STK33: variants seen among roughly 807,000 people sequenced by gnomAD.
The protein encoded by STK33 is serine/threonine-protein kinase 33.
Under a neutral mutation model 58.0 loss-of-function variants are expected in STK33, and 52 were observed. The ratio of observed to expected loss-of-function variants is 0.90; its 90% CI spans 0.72 to 1.13. The LOEUF (loss-of-function observed/expected upper bound fraction) is 1.13, where lower values mean the gene tolerates loss of function less well. Ranked by LOEUF, STK33 falls within the 50% of genes most tolerant of loss-of-function variation. The pLI is 0.00. For synonymous variants in STK33, 215 were observed against 200.1 expected (o/e 1.07, Z -0.63); for missense variants, 630 against 604.2 (o/e 1.04, Z -0.45).
intron 14 of STK33, among the ~76,000 whole-genome samples, chr11:8,414,406 G>T (rs1429946792): frequency 1.3e-5 from 2 of 151,990 alleles, no homozygotes; most frequent in African/African-American, 2.4e-5. Flanking sequence ...AAATATTTTT[G>T]TTCTTACCTC....
chr11:8,590,871 T>C (rs1437696346), intron 1 of STK33, among the ~76,000 whole-genome samples: 1 of 152,200 alleles, frequency 6.6e-6, no homozygotes, highest in African/African-American at 2.4e-5. Context: ...GGCATACCAA[T>C]TTAACAATGC....
At chr11:8,534,970 C>T (rs1176107047) in intron 1 of STK33, among the ~76,000 whole-genome samples, 1 of 152,108 alleles carries the variant, frequency 6.6e-6, no homozygotes, top group African/African-American at 2.4e-5. Context: ...GGGATGATAA[C>T]GTCCTCTAAG....
At chr11:8,533,580 G>A (rs1029816440) in intron 1 of STK33, 1 of 152,054 alleles carries the variant, frequency 6.6e-6, no homozygotes, top group Non-Finnish European at 1.5e-5. Flanking sequence ...AACAAAGCCT[G>A]GCACACAGAA....
intron 9 of STK33, among the ~76,000 whole-genome samples, chr11:8,455,798 G>C (rs1369362926): frequency 1.9e-5 from 2 of 107,982 alleles, no homozygotes; most frequent in Non-Finnish European, 3.4e-5. Context: ...GTAACAGAGA[G>C]AGACTCTGTC....
At chr11:8,442,741 T>A (rs1409306844) in intron 11 of STK33, among the ~76,000 whole-genome samples, 6 of 152,134 alleles carry the variant, frequency 3.9e-5, no homozygotes, top group Non-Finnish European at 7.3e-5. Context: ...ACTTTATGCA[T>A]CTAGCAGACA....
intron 1 of STK33, among the ~76,000 whole-genome samples, chr11:8,503,387 G>A (rs1054007368): frequency 6.6e-6 from 1 of 152,136 alleles, no homozygotes; most frequent in African/African-American, 2.4e-5. Context: ...AACACGGCAT[G>A]TTCTCACTTA....
chr11:8,394,645 A>G (rs1445815021), intron 15 of STK33, among the ~76,000 whole-genome samples: 1 of 152,224 alleles, frequency 6.6e-6, no homozygotes, highest in East Asian at 1.9e-4. Context: ...GTCTCTGTGA[A>G]CAGAATTATT....
At position 8,392,807 on chromosome 11, in the gene STK33, T is replaced by G. The variant is rs1385307200; in HGVS notation, c.1345-97A>C. ...ACAAAGTTGTCCAGGATTTGCAAGT[T>G]GGAGCCCTCTCTAGATATAGGGTCC... On this transcript the variant is annotated intron_variant, in intron 15 of 15. Transcript: ENST00000687296. 2.4e-6 allele frequency: 3 copies of G among 1,225,334 alleles called. No homozygotes were observed. The Admixed American group carries it at 6.2e-5, about 25-fold the overall frequency. The allele number at this position is 1,225,334 out of a possible 1,614,324, so 75.9% of individuals were successfully genotyped here. A position where few individuals can be genotyped will look rare whatever the true frequency, so the allele number is the denominator to read the frequency against.
At chr11:8,555,424 G>A (rs1335505170) in intron 1 of STK33, among the ~76,000 whole-genome samples, 1 of 152,160 alleles carries the variant, frequency 6.6e-6, no homozygotes, top group East Asian at 1.9e-4. Context: ...AGCACACTAG[G>A]AGACTGAGGT....
chr11:8,361,997 T>C, the STK33 span, among the ~76,000 whole-genome samples: 3 of 152,204 alleles, frequency 2.0e-5, no homozygotes, highest in Non-Finnish European at 4.4e-5. The surrounding 1 kb of genome is among the most constrained non-coding windows in gnomAD (Gnocchi z 4.8). Flanking sequence ...GGCTGCCTCA[T>C]TGCCCCAGAT....
At chr11:8,363,005 G>A in the STK33 span, among the ~76,000 whole-genome samples, 1 of 152,022 alleles carries the variant, frequency 6.6e-6, no homozygotes, top group Non-Finnish European at 1.5e-5. Flanking sequence ...TGAAGGGAGT[G>A]AGCCTGGGGA....
At chr11:8,474,591 C>T in intron 5 of STK33, 90 bp downstream of exon 5, 1 of 920,920 alleles carries the variant, frequency 1.1e-6, no homozygotes, top group South Asian at 1.9e-5. Flanking sequence ...AATTAGCTAA[C>T]AAGAACTCAT....
intron 1 of STK33, among the ~76,000 whole-genome samples, chr11:8,574,227 G>A (rs1958025588): frequency 2.0e-5 from 3 of 152,176 alleles, no homozygotes; most frequent in Admixed American, 6.5e-5. Context: ...CAACTGTAGA[G>A]GTCTGAATAA....
intron 7 of STK33, among the ~76,000 whole-genome samples, chr11:8,463,753 A>C (rs2137390677): frequency 6.6e-6 from 1 of 152,300 alleles, no homozygotes; most frequent in South Asian, 2.1e-4. Context: ...ACATCAATAT[A>C]AATATGAAAG....
chr11:8,422,999 C>A (rs1382692681), intron 14 of STK33, among the ~76,000 whole-genome samples: 1 of 149,980 alleles, frequency 6.7e-6, no homozygotes, highest in Admixed American at 6.6e-5. Context: ...GGCCACCATG[C>A]CCGGCTGATT....
At chr11:8,430,918 G>A (rs1417970103) in intron 14 of STK33, among the ~76,000 whole-genome samples, 2 of 147,196 alleles carry the variant, frequency 1.4e-5, no homozygotes, top group Non-Finnish European at 3.0e-5. Context: ...CCAGGTTGGA[G>A]TGCAGTGGTG....
At chr11:8,584,521 A>C (rs183243084) in intron 1 of STK33, among the ~76,000 whole-genome samples, 1 of 152,362 alleles carries the variant, frequency 6.6e-6, no homozygotes, top group Admixed American at 6.5e-5. Context: ...GAGAGGCCTG[A>C]GAGACACAGC....
At chr11:8,404,867 G>A (rs148815871) in intron 15 of STK33, among the ~76,000 whole-genome samples, 2,789 of 152,292 alleles carry the variant, frequency 0.018, 91 homozygotes, top group African/African-American at 0.062. Context: ...CCAGCCAGGC[G>A]CGGTGGCTCA....
the STK33 span, among the ~76,000 whole-genome samples, chr11:8,371,668 T>G: frequency 6.6e-6 from 1 of 150,964 alleles, no homozygotes; most frequent in Non-Finnish European, 1.5e-5. Flanking sequence ...CTTTCTTTCC[T>G]TTCTCTCCCT....
Sources: allele counts gnomAD v4.1 joint callset (sites outside exome capture counted in the v4.1 genomes callset), GRCh38; gene constraint gnomAD v4.1.1; non-coding constraint Gnocchi (gnomAD v3.1); transcripts MANE v1.5; gene names NCBI Gene and HGNC (gene_info 2026-07-23, HGNC 2026-07-21).